The following SAMHD1 variants were observed in gnomAD, a reference collection of about 807,000 sequenced individuals.
SAMHD1 encodes the protein SAM and HD domain containing deoxynucleoside triphosphate triphosphohydrolase 1.
In SAMHD1, 54 loss-of-function variants were observed where a neutral mutation model predicts 79.6. The observed-to-expected ratio is 0.68, with a 90% CI of 0.55 to 0.85. The LOEUF is 0.85. SAMHD1 is among the 40% of genes least tolerant of loss of function. SAMHD1 has a pLI of 0.00. For missense variants in SAMHD1, 663 were observed against 782.7 expected (o/e 0.85, Z 1.82); for synonymous variants, 260 against 264.1 (o/e 0.98, Z 0.15).
intron 1 of SAMHD1, among the ~76,000 whole-genome samples, chr20:36,949,531 C>A (rs6030377): frequency 1.3e-5 from 2 of 149,580 alleles, no homozygotes; most frequent in African/African-American, 4.9e-5. Flanking sequence ...CTGAGGCAGG[C>A]GGATCACGAG....
Position 36,917,350 on chromosome 20 carries a change from T to G in SAMHD1, c.853-301A>C, listed in dbSNP as rs182203779. ...CTTTTGTGTTTTCTTGGTTTATAAG[T>G]TTTTGAAAAATATAAAATCTAGGCC... On this transcript the variant is annotated intron_variant, in intron 7 of 15. Transcript: ENST00000646673. The G allele has an allele frequency of 1.5e-3, 496 of 341,156 alleles. 3 individuals carry two copies. Among genetic ancestry groups the G allele is most frequent in the African/African-American group, 9.9e-3 (464 of 46,910 alleles). The allele number at this position is 341,156 out of a possible 1,614,324, so 21.1% of individuals were successfully genotyped here.
At chr20:36,902,733 A>G (rs1990327789) in intron 13 of SAMHD1, among the ~76,000 whole-genome samples, 2 of 151,632 alleles carry the variant, frequency 1.3e-5, no homozygotes, top group Admixed American at 6.6e-5. Flanking sequence ...GTATCACGTT[A>G]TCTAAGATAC....
chr20:36,942,747 C>A (rs888166568), intron 2 of SAMHD1, among the ~76,000 whole-genome samples: 2 of 151,868 alleles, frequency 1.3e-5, no homozygotes, highest in African/African-American at 4.8e-5. Context: ...CCCGGGTTCA[C>A]GCCATTCTCC....
intron 6 of SAMHD1, among the ~76,000 whole-genome samples, chr20:36,921,998 C>A (rs2063509004): frequency 6.6e-6 from 1 of 152,078 alleles, no homozygotes; most frequent in South Asian, 2.1e-4. Flanking sequence ...CTGGACACAT[C>A]ACTTTTGTGG....
intron 13 of SAMHD1, among the ~76,000 whole-genome samples, chr20:36,899,812 TG>T (rs1990267758): frequency 6.6e-6 from 1 of 151,768 alleles, no homozygotes; most frequent in Non-Finnish European, 1.5e-5. Context: ...GAAACAAAAA[TG>T]TAAGAGGCGC....
intron 15 of SAMHD1, chr20:36,894,239 G>A (rs1267658554): frequency 4.3e-6 from 1 of 231,184 alleles, no homozygotes; most frequent in Non-Finnish European, 8.1e-6. Flanking sequence ...TAAAAAATGT[G>A]TTATTATTTT....
At chr20:36,939,803 T>C (rs1032881304) in intron 3 of SAMHD1, among the ~76,000 whole-genome samples, 1 of 152,182 alleles carries the variant, frequency 6.6e-6, no homozygotes, top group African/African-American at 2.4e-5. Context: ...TAAGTTTTCT[T>C]AACCTAGGAA....
At chr20:36,908,837 A>G (rs1198103439) in intron 11 of SAMHD1, among the ~76,000 whole-genome samples, 1 of 152,182 alleles carries the variant, frequency 6.6e-6, no homozygotes, top group East Asian at 1.9e-4. Flanking sequence ...CGGTAGAGTG[A>G]TTAGGCTGTG....
rs765879627 is a variant in SAMHD1, at chr20:36,935,044, A to G, written c.494T>C (p.Phe165Ser). The G allele has an allele frequency of 3.1e-6, 5 of 1,613,960 alleles. No homozygotes were observed. Among genetic ancestry groups the G allele is most frequent in the South Asian group, 1.1e-5 (1 of 91,088 alleles). Residue 165 changes from phenylalanine (F) to serine (S), a missense_variant, in exon 4 of 16, where the codon TTT (phenylalanine) becomes TCT (serine). Coordinates refer to ENST00000646673, the MANE Select transcript of SAMHD1 (RefSeq NM_015474.4). Reference sequence around the variant, plus strand: ...CCCTTCTTACCCTAGACTATGCTCAAATCGATTGTGTGAAGCTCCTGGAAA... The same window carrying G: ...CCCTTCTTACCCTAGACTATGCTCAGATCGATTGTGTGAAGCTCCTGGAAA... Reference protein sequence around the residue: ...YVFPGASHNRFEHSLGVGYLA... With the variant: ...YVFPGASHNRSEHSLGVGYLA...
chr20:36,910,093 G>A lies in SAMHD1; in HGVS notation c.1270+1125C>T, dbSNP rs2063428336. On this transcript the variant is annotated intron_variant, in intron 11 of 15. Coordinates refer to ENST00000646673, the MANE Select transcript of SAMHD1 (RefSeq NM_015474.4). ...CAAAAATTAGCCAGGTGTGGTGGCG[G>A]GCGCCTGTAGTCCCAGCTACTCGGG... Among the ~76,000 whole-genome samples, 4 of 151,572 alleles carry A rather than the reference G, an allele frequency of 2.6e-5. No homozygotes were observed. In the South Asian group the frequency reaches 8.3e-4, roughly 32 times the overall value.
At chr20:36,951,307 T>C in intron 1 of SAMHD1, 129 bp downstream of exon 1, 1 of 1,345,470 alleles carries the variant, frequency 7.4e-7, no homozygotes, top group Non-Finnish European at 1.0e-6. Flanking sequence ...AGGTCCGCCC[T>C]CCCGGGTGCC....
chr20:36,930,714 T>C (rs766789347), intron 5 of SAMHD1, 46 bp downstream of exon 5: 44 of 1,243,742 alleles, frequency 3.5e-5, no homozygotes, highest in South Asian at 2.9e-4. Flanking sequence ...AGAGGTAACA[T>C]ATGTTATGAT....
At chr20:36,943,895 T>C (rs922427499) in intron 2 of SAMHD1, among the ~76,000 whole-genome samples, 55 of 151,386 alleles carry the variant, frequency 3.6e-4, no homozygotes, top group African/African-American at 1.3e-3. Flanking sequence ...CTGGCCAACA[T>C]AGTGAAACCC....
At chr20:36,922,641 A>T (rs2063512806) in intron 6 of SAMHD1, among the ~76,000 whole-genome samples, 2 of 152,016 alleles carry the variant, frequency 1.3e-5, no homozygotes, top group South Asian at 4.2e-4. Context: ...AGCCTCCCAA[A>T]CTGTTGGGAT....
intron 14 of SAMHD1, 116 bp downstream of exon 14, chr20:36,898,324 G>C (rs982633294): frequency 1.2e-6 from 1 of 810,792 alleles, no homozygotes; most frequent in Non-Finnish European, 2.1e-6. Context: ...TACTGTGCCA[G>C]GCCCACTTTA....
chr20:36,929,906 G>A (rs936829653), intron 5 of SAMHD1, among the ~76,000 whole-genome samples: 1 of 151,866 alleles, frequency 6.6e-6, no homozygotes, highest in African/African-American at 2.4e-5. Flanking sequence ...CCAAATAACC[G>A]AAGGAAAAAT....
At chr20:36,941,255 C>T (rs1313087749) in intron 2 of SAMHD1, 144 bp from the exon 3 acceptor site, 1 of 688,688 alleles carries the variant, frequency 1.5e-6, no homozygotes, top group Non-Finnish European at 2.6e-6. Flanking sequence ...AAACATACCC[C>T]TCCTAGAAAC....
chr20:36,924,911 C>T (rs1487928432), intron 6 of SAMHD1, among the ~76,000 whole-genome samples: 2 of 151,904 alleles, frequency 1.3e-5, no homozygotes, highest in Admixed American at 6.6e-5. Context: ...GTAATCCCAG[C>T]GCTTTGGGAG....
intron 15 of SAMHD1, chr20:36,893,960 G>GTT (rs754455776): frequency 2.3e-5 from 9 of 398,450 alleles, no homozygotes; most frequent in Admixed American, 2.2e-4. Context: ...GAGAAGTCAG[G>GTT]TTTTTTCTCT....
Sources: allele counts gnomAD v4.1 joint callset (sites outside exome capture counted in the v4.1 genomes callset), GRCh38; gene constraint gnomAD v4.1.1; transcripts MANE v1.5; gene names NCBI Gene and HGNC (gene_info 2026-07-23, HGNC 2026-07-21).